BCAS3: variants seen among roughly 807,000 people sequenced by gnomAD.
The protein encoded by BCAS3 is BCAS3 microtubule associated cell migration factor.
BCAS3 carries 53 observed loss-of-function variants against 116.1 expected under a neutral mutation model. That is an observed-to-expected ratio of 0.46 (90% confidence interval 0.37 to 0.57). BCAS3 has a LOEUF of 0.57. BCAS3 is among the 20% of genes least tolerant of loss of function. BCAS3 has a pLI of 0.00. For missense variants in BCAS3, 917 were observed against 1,165.4 expected (o/e 0.79, Z 3.10); for synonymous variants, 391 against 408.2 (o/e 0.96, Z 0.51).
chr17:61,338,887 G>GAA (rs201123711), intron 22 of BCAS3, among the ~76,000 whole-genome samples: 24 of 99,706 alleles, frequency 2.4e-4, no homozygotes, highest in African/African-American at 8.7e-4. Flanking sequence ...GCCCTTACTG[G>GAA]GAAAAAAAAA....
intron 5 of BCAS3, among the ~76,000 whole-genome samples, chr17:60,719,373 T>C (rs1372283435): frequency 2.0e-5 from 3 of 152,240 alleles, no homozygotes; most frequent in Non-Finnish European, 2.9e-5. Flanking sequence ...GAAGTATCAT[T>C]TGTGCCAACT....
At chr17:60,853,170 G>A (rs1018958771) in intron 7 of BCAS3, among the ~76,000 whole-genome samples, 2 of 152,192 alleles carry the variant, frequency 1.3e-5, no homozygotes, top group South Asian at 2.1e-4. Context: ...ATATTACTCC[G>A]TAAAAGAAGT....
rs533168550 is a variant in BCAS3 at position 61,316,102 on chromosome 17, C to G, written c.2426-52225C>G. ...GGTGGATCACCTGAGGTCAGGAGTT[C>G]GAAACCAGCCTGGCCAACATGGCGA... On this transcript the variant is annotated intron_variant, in intron 22 of 23. Coordinates refer to ENST00000407086, the MANE Select transcript of BCAS3 (RefSeq NM_017679.5). This position sits in a 1 kb window ranked among gnomAD's most constrained non-coding sequence, Gnocchi z 5.8. 6.6e-6 allele frequency among the ~76,000 whole-genome samples: 1 copy of G among 151,934 alleles called. No individual in the cohort carries two copies. Among genetic ancestry groups the G allele is most frequent in the East Asian group, 1.9e-4 (1 of 5,166 alleles).
intron 6 of BCAS3, among the ~76,000 whole-genome samples, chr17:60,777,597 G>C (rs954511534): frequency 6.6e-6 from 1 of 152,082 alleles, no homozygotes; most frequent in African/African-American, 2.4e-5. Context: ...GTGCACTCCA[G>C]CCTGGGTGAC....
intron 22 of BCAS3, among the ~76,000 whole-genome samples, chr17:61,185,313 T>A (rs1404307572): frequency 3.3e-5 from 5 of 152,134 alleles, no homozygotes; most frequent in Non-Finnish European, 7.4e-5. Context: ...AAAATAAAAA[T>A]TTTATTTGAA....
chr17:61,288,079 C>G (rs2052013774), intron 22 of BCAS3, among the ~76,000 whole-genome samples: 1 of 152,228 alleles, frequency 6.6e-6, no homozygotes, highest in Non-Finnish European at 1.5e-5. Flanking sequence ...CTGTTGCTGA[C>G]TTTCTTACCA....
intron 5 of BCAS3, among the ~76,000 whole-genome samples, chr17:60,725,395 T>G (rs1457541723): frequency 6.6e-6 from 1 of 152,232 alleles, no homozygotes; most frequent in Admixed American, 6.5e-5. Flanking sequence ...TATATTTTTA[T>G]TAGAATAGTA....
chr17:60,762,994 T>C (rs994910527), intron 6 of BCAS3, among the ~76,000 whole-genome samples: 6 of 152,198 alleles, frequency 3.9e-5, no homozygotes, highest in African/African-American at 1.4e-4. Context: ...GATTTGGCTG[T>C]TTATGTGTTA....
chr17:61,048,553 T>TAA (rs1466274660), intron 19 of BCAS3, among the ~76,000 whole-genome samples: 2 of 151,980 alleles, frequency 1.3e-5, no homozygotes, highest in Non-Finnish European at 2.9e-5. Flanking sequence ...TTATTGTAAA[T>TAA]AAAGTTTTAC....
At position 61,007,676 on chromosome 17, in the gene BCAS3, C is replaced by T. The variant is rs76648989; in HGVS notation, c.1487-8075C>T. Among the ~76,000 whole-genome samples, 1 of 151,224 alleles carries T rather than the reference C, an allele frequency of 6.6e-6. No homozygotes were observed. The highest frequency in any genetic ancestry group is 2.4e-5 in the African/African-American group (1 of 41,078). On this transcript the variant is annotated intron_variant, in intron 15 of 23. Transcript: ENST00000407086. The surrounding 1 kb of genome is among the most constrained non-coding windows in gnomAD (Gnocchi z 4.3). Reference sequence around the variant, plus strand: ...TATGTAGTGGGGAGAAGTGATGACACTATCATTAATAATCTCAATCCCCAT... The same window carrying T: ...TATGTAGTGGGGAGAAGTGATGACATTATCATTAATAATCTCAATCCCCAT...
chr17:60,954,475 C>T (rs1009321616), intron 14 of BCAS3, among the ~76,000 whole-genome samples: 5 of 152,114 alleles, frequency 3.3e-5, no homozygotes, highest in African/African-American at 1.2e-4. Context: ...GGTATTAATT[C>T]ACACTGTTGT....
intron 22 of BCAS3, among the ~76,000 whole-genome samples, chr17:61,287,238 ACT>A (rs1602427040): frequency 2.0e-5 from 3 of 151,142 alleles, no homozygotes; most frequent in East Asian, 3.9e-4. Context: ...ACAGAGCCAG[ACT>A]CTTAAAAAAA....
intron 7 of BCAS3, among the ~76,000 whole-genome samples, chr17:60,852,640 A>G (rs2053279176): frequency 6.6e-6 from 1 of 152,238 alleles, no homozygotes; most frequent in Non-Finnish European, 1.5e-5. Context: ...CAATTATGAA[A>G]GAAAAAAAGA....
intron 7 of BCAS3, among the ~76,000 whole-genome samples, chr17:60,846,797 C>G (rs1322889631): frequency 1.3e-5 from 2 of 152,100 alleles, no homozygotes; most frequent in African/African-American, 4.8e-5. Context: ...TTCCCTCCCT[C>G]CCTCTCTTTC....
rs961944186 is a variant in BCAS3, at chr17:60,677,911, G to C, written c.-9G>C. The C allele has an allele frequency of 2.6e-5, 4 of 153,668 alleles. No individual in the cohort carries two copies. The highest frequency in any genetic ancestry group is 5.8e-5 in the Non-Finnish European group (4 of 68,766). The allele number at this position is 153,668 out of a possible 1,614,324, so 9.5% of individuals were successfully genotyped here. On this transcript the variant is annotated 5_prime_UTR_variant, in exon 1 of 24. Transcript: ENST00000407086. ...GAGACTAGCGTTAACCGGCGGGGCG[G>C]CCGGTGAGAGGGCTGGCAGGGCTTT...
Position 61,228,185 on chromosome 17 carries a change from A to G in BCAS3, c.2426-140142A>G, listed in dbSNP as rs1190370465. Among the ~76,000 whole-genome samples, 1 of 152,180 alleles carries G rather than the reference A, an allele frequency of 6.6e-6. No homozygotes were observed. Among genetic ancestry groups the G allele is most frequent in the East Asian group, 1.9e-4 (1 of 5,186 alleles). On this transcript the variant is annotated intron_variant, in intron 22 of 23. Coordinates refer to ENST00000407086, the MANE Select transcript of BCAS3 (RefSeq NM_017679.5). The surrounding 1 kb of genome is among the most constrained non-coding windows in gnomAD (Gnocchi z 5.0). ...TTTGAAGGACAAGTACCTGGCTCTT[A>G]ATTGAAGTCTTGAACAGTTTCAAAG...
intron 7 of BCAS3, chr17:60,851,251 A>G (rs896970142): frequency 2.1e-5 from 5 of 233,712 alleles, no homozygotes; most frequent in African/African-American, 1.2e-4. Flanking sequence ...ATCCTATTAA[A>G]AAATGAGCAA....
At chr17:61,066,909 G>A (rs533309440) in intron 19 of BCAS3, among the ~76,000 whole-genome samples, 1 of 152,164 alleles carries the variant, frequency 6.6e-6, no homozygotes, top group Admixed American at 6.5e-5. Flanking sequence ...ACTTAAGGAT[G>A]TCAACTTAGA....
intron 7 of BCAS3, among the ~76,000 whole-genome samples, chr17:60,838,827 CAG>C (rs2051614451): frequency 1.3e-5 from 2 of 152,054 alleles, no homozygotes; most frequent in Admixed American, 1.3e-4. Context: ...TTATTACAGA[CAG>C]GGTTTCATTA....
Sources: allele counts gnomAD v4.1 joint callset (sites outside exome capture counted in the v4.1 genomes callset), GRCh38; gene constraint gnomAD v4.1.1; non-coding constraint Gnocchi (gnomAD v3.1); transcripts MANE v1.5; gene names NCBI Gene and HGNC (gene_info 2026-07-23, HGNC 2026-07-21).